The following DCAF11 variants were observed in gnomAD, a reference collection of about 807,000 sequenced individuals.
The protein encoded by DCAF11 is DDB1 and CUL4 associated factor 11.
Under a neutral mutation model 76.1 loss-of-function variants are expected in DCAF11, and 44 were observed. The observed-to-expected ratio is 0.58, with a 90% CI of 0.45 to 0.74. The LOEUF (loss-of-function observed/expected upper bound fraction) is 0.74, where lower values mean the gene tolerates loss of function less well. DCAF11 is among the 30% of genes least tolerant of loss of function. DCAF11 has a pLI of 0.00. For synonymous variants in DCAF11, 258 were observed against 255.0 expected (o/e 1.01, Z -0.11); for missense variants, 604 against 709.4 (o/e 0.85, Z 1.69).
At chr14:24,119,490 C>G (rs1417619570) in intron 9 of DCAF11, 69 bp from the exon 10 acceptor site, 14 of 1,581,494 alleles carry the variant, frequency 8.9e-6, no homozygotes, top group Non-Finnish European at 1.2e-5. Context: ...GTGGAACTCT[C>G]TAGAGCATAT....
chr14:24,119,272 A>C, intron 9 of DCAF11, 59 bp downstream of exon 9: 2 of 1,599,522 alleles, frequency 1.3e-6, no homozygotes, highest in Non-Finnish European at 1.7e-6. Flanking sequence ...GCCAGAGATG[A>C]GTTCTGCTGT....
At position 24,119,749 on chromosome 14, in the gene DCAF11, T is replaced by G; in HGVS notation, c.945T>G (p.Phe315Leu). 1 of 1,614,260 alleles carries G rather than the reference T, an allele frequency of 6.2e-7. No homozygotes were observed. Among genetic ancestry groups the G allele is most frequent in the South Asian group, 1.1e-5 (1 of 91,090 alleles). ...AGGATGATGTGAATGCAGTGGCCTT[T>G]GCTGATATAAGCTCCCAAATCCTGT... ...SHEDDVNAVA[F>L]ADISSQILFS... is the part of the protein sequence containing the mutation. Residue 315 changes from phenylalanine (F) to leucine (L), a missense_variant, in exon 11 of 15, where the codon TTT becomes TTG. Physicochemically the swap from Phe to Leu is conservative, Grantham distance 22. Transcript: ENST00000446197.
chr14:24,120,851 A>T lies in DCAF11; in HGVS notation c.1106A>T (p.Tyr369Phe). 6.2e-7 allele frequency: 1 copy of T among 1,614,218 alleles called. No individual in the cohort carries two copies. Among genetic ancestry groups the T allele is most frequent in the Non-Finnish European group, 8.5e-7 (1 of 1,180,044 alleles). ...TFIDSKGDARYLISNSKDQTI... is the reference protein window; with the variant it reads ...TFIDSKGDARFLISNSKDQTI... ...TTGGATTCATAGGGTGATGCCCGGTATCTGATCTCCAACTCTAAAGACCAG... is the reference window on the plus strand; with the variant it reads ...TTGGATTCATAGGGTGATGCCCGGTTTCTGATCTCCAACTCTAAAGACCAG... The change falls in exon 12 of 15, where the codon TAT (tyrosine) becomes TTT (phenylalanine). Residue 369 changes from tyrosine (Y) to phenylalanine (F), a missense_variant. Transcript: ENST00000446197.
At chr14:24,118,671 G>C in intron 7 of DCAF11, 79 bp from the exon 8 acceptor site, 1 of 1,600,440 alleles carries the variant, frequency 6.2e-7, no homozygotes, top group Non-Finnish European at 8.6e-7. Flanking sequence ...CTTGTCCCCT[G>C]TTTGATCTCT....
At chr14:24,122,511 AAG>A (rs1491191589) in intron 13 of DCAF11, among the ~76,000 whole-genome samples, 2 of 150,378 alleles carry the variant, frequency 1.3e-5, no homozygotes, top group African/African-American at 5.0e-5. Flanking sequence ...AAAAAAGAAA[AAG>A]AAAAAAAAAA....
At position 24,114,840 on chromosome 14, in the gene DCAF11, G is replaced by A; in HGVS notation, c.-667G>A. On this transcript the variant is annotated 5_prime_UTR_variant, in exon 1 of 15. Transcript: ENST00000446197. ...ATGCGTGACGAGCGAAGCGCGTGAC[G>A]GAGGAGCGGTTGGCCAACGCAGTGG... The A allele has an allele frequency of 1.0e-6, 1 of 985,974 alleles. No individual in the cohort carries two copies. The highest frequency in any genetic ancestry group is 1.2e-6 in the Non-Finnish European group (1 of 829,970). The allele number at this position is 985,974 out of a possible 1,614,324, so 61.1% of individuals were successfully genotyped here. A position where few individuals can be genotyped will look rare whatever the true frequency, so the allele number is the denominator to read the frequency against.
chr14:24,117,567 C>A lies in DCAF11; in HGVS notation c.412-101C>A. 1 of 1,526,028 alleles carries A rather than the reference C, an allele frequency of 6.6e-7. No homozygotes were observed. Among genetic ancestry groups the A allele is most frequent in the Non-Finnish European group, 9.0e-7 (1 of 1,112,194 alleles). 94.5% of individuals were successfully genotyped at this position (1,526,028 alleles called of 1,614,324 possible). A position where few individuals can be genotyped will look rare whatever the true frequency, so the allele number is the denominator to read the frequency against. On this transcript the variant is annotated intron_variant, in intron 4 of 14. Transcript: ENST00000446197. The surrounding 1 kb of genome is among the most constrained non-coding windows in gnomAD (Gnocchi z 4.3). ...TGGGACAGACTATGATGTGTGTGTC[C>A]ATTTCTATAACAAGAGCAATATCTT...
Position 24,117,163 on chromosome 14 carries a change from A to G in DCAF11, c.284-103A>G. The G allele has an allele frequency of 1.2e-6, 2 of 1,603,210 alleles. No individual in the cohort carries two copies. On this transcript the variant is annotated intron_variant, in intron 3 of 14. Transcript: ENST00000446197. The surrounding 1 kb of genome is among the most constrained non-coding windows in gnomAD (Gnocchi z 4.3). Reference sequence around the variant, plus strand: ...AATTTAAGGAATAAGGAGTCCTTACAGCCCCAGTATATTCAGCCACAGGGG... The same window carrying G: ...AATTTAAGGAATAAGGAGTCCTTACGGCCCCAGTATATTCAGCCACAGGGG...
chr14:24,118,626 T>C, intron 7 of DCAF11, 92 bp downstream of exon 7: 1 of 1,596,740 alleles, frequency 6.3e-7, no homozygotes, highest in South Asian at 1.1e-5. Flanking sequence ...CCTCACTTTG[T>C]CCTGGGAAAA....
At chr14:24,120,255 A>C (rs12435995) in intron 11 of DCAF11, among the ~76,000 whole-genome samples, 53,312 of 151,386 alleles carry the variant, frequency 0.35, 9,951 homozygotes, top group East Asian at 0.63. Flanking sequence ...TTAAAAAAAA[A>C]AACAAAAAAA....
rs764618430 is a variant in DCAF11 at position 24,118,164 on chromosome 14, C to A, written c.577+9C>A. ...CATGTCTGCTTGCCAAGGTACCAGACCCTGGTCCTATAAACTATCTTTTCC... is the reference window on the plus strand; with the variant it reads ...CATGTCTGCTTGCCAAGGTACCAGAACCTGGTCCTATAAACTATCTTTTCC... On this transcript the variant is annotated intron_variant, in intron 6 of 14. Coordinates refer to ENST00000446197, the MANE Select transcript of DCAF11 (RefSeq NM_025230.5). The A allele has an allele frequency of 1.2e-6, 2 of 1,605,814 alleles. No individual in the cohort carries two copies. Among genetic ancestry groups the A allele is most frequent in the Non-Finnish European group, 1.7e-6 (2 of 1,173,536 alleles).
At chr14:24,119,516 T>C (rs748470346) in intron 9 of DCAF11, 43 bp from the exon 10 acceptor site, 1 of 1,611,372 alleles carries the variant, frequency 6.2e-7, no homozygotes, top group South Asian at 1.1e-5. Context: ...GTTGGTCCTC[T>C]CGATCATGGC....
chr14:24,114,853 G>A lies in DCAF11; in HGVS notation c.-654G>A. On this transcript the variant is annotated 5_prime_UTR_variant, in exon 1 of 15. Transcript: ENST00000446197. ...GAAGCGCGTGACGGAGGAGCGGTTGGCCAACGCAGTGGCGGCAGTCGGTGT... is the reference window on the plus strand; with the variant it reads ...GAAGCGCGTGACGGAGGAGCGGTTGACCAACGCAGTGGCGGCAGTCGGTGT... 6 of 985,964 alleles carry A rather than the reference G, an allele frequency of 6.1e-6. No homozygotes were observed. The highest frequency in any genetic ancestry group is 7.2e-6 in the Non-Finnish European group (6 of 829,964). The allele number at this position is 985,964 out of a possible 1,614,324, so 61.1% of individuals were successfully genotyped here.
chr14:24,121,635 A>G (rs1385192978), intron 13 of DCAF11, 118 bp downstream of exon 13: 6 of 1,191,584 alleles, frequency 5.0e-6, no homozygotes, highest in Admixed American at 5.4e-5. Flanking sequence ...GGTAAAATCA[A>G]ACTTAGCTTG....
In DCAF11 at chr14:24,121,463, C is replaced by T; in HGVS notation, c.1345C>T (p.His449Tyr). The T allele has an allele frequency of 6.2e-7, 1 of 1,614,198 alleles. No homozygotes were observed. The highest frequency in any genetic ancestry group is 1.6e-4 in the Middle Eastern group (1 of 6,062). ...TLIRCRFSPI[H>Y]STGQQFIYSG... The stretch of plus-strand genomic sequence containing the variant: ...CATCCGCTGCCGGTTCTCCCCCATT[C>T]ATAGCACTGGCCAGCAGTTCATCTA... Residue 449 changes from histidine (H) to tyrosine (Y), a missense_variant, in exon 13 of 15, where the codon CAT (histidine) becomes TAT (tyrosine). Transcript: ENST00000446197.
rs1358104529 is a variant in DCAF11 at position 24,120,710 on chromosome 14, C to A, written c.1093-128C>A. ...GGCAGAACGCTGGAAATGAGTTCAC[C>A]TGGATGAAGAGAGGCAAGTAAAGCC... On this transcript the variant is annotated intron_variant, in intron 11 of 14. Transcript: ENST00000446197. 5.8e-6 allele frequency: 7 copies of A among 1,202,028 alleles called. No individual in the cohort carries two copies. The East Asian group carries it at 1.4e-4, about 25-fold the overall frequency. 74.5% of individuals were successfully genotyped at this position (1,202,028 alleles called of 1,614,324 possible).
At position 24,115,520 on chromosome 14, in the gene DCAF11, G is replaced by T. The variant is rs1594331223; in HGVS notation, c.-75G>T. The T allele has an allele frequency of 6.6e-7, 1 of 1,524,106 alleles. No individual in the cohort carries two copies. Among genetic ancestry groups the T allele is most frequent in the Non-Finnish European group, 8.8e-7 (1 of 1,137,280 alleles). 94.4% of individuals were successfully genotyped at this position (1,524,106 alleles called of 1,614,324 possible). A position where few individuals can be genotyped will look rare whatever the true frequency, so the allele number is the denominator to read the frequency against. The stretch of plus-strand genomic sequence containing the variant: ...GGAGACCCTGGTATTTCTAGAGCAC[G>T]CTTTGCTTTCACCAAACCCAAGGAG... On this transcript the variant is annotated 5_prime_UTR_variant, in exon 2 of 15. Coordinates refer to ENST00000446197, the MANE Select transcript of DCAF11 (RefSeq NM_025230.5).
chr14:24,119,199 A>G lies in DCAF11; in HGVS notation c.834A>G (p.Arg278=). The change falls in exon 9 of 15, where the codon CGA becomes CGG. Residue 278 remains arginine, a synonymous_variant. Transcript: ENST00000446197. ...VFSIAVSSDG[R]EVLGGANDGC... is the part of the protein sequence containing the mutation. ...CCATTGCTGTCTCCTCAGATGGACG[A>G]GAAGTACTAGGAGGGTAAGTGCTTG... 1 of 1,614,180 alleles carries G rather than the reference A, an allele frequency of 6.2e-7. No homozygotes were observed. The highest frequency in any genetic ancestry group is 8.5e-7 in the Non-Finnish European group (1 of 1,180,016).
chr14:24,118,776 G>A lies in DCAF11; in HGVS notation c.751G>A (p.Gly251Arg). Reference protein sequence around the residue: ...YIHICNIYGEGDTHTALDLRP... With the variant: ...YIHICNIYGERDTHTALDLRP... ...TCATATCTGCAATATCTATGGTGAGGGAGATACACACACTGCCCTGGATCT... is the reference window on the plus strand; with the variant it reads ...TCATATCTGCAATATCTATGGTGAGAGAGATACACACACTGCCCTGGATCT... The change falls in exon 8 of 15, where the codon GGA becomes AGA. Residue 251 changes from glycine to arginine, a missense_variant. Coordinates refer to ENST00000446197, the MANE Select transcript of DCAF11 (RefSeq NM_025230.5). The A allele has an allele frequency of 6.2e-7, 1 of 1,614,060 alleles. No homozygotes were observed. Among genetic ancestry groups the A allele is most frequent in the Non-Finnish European group, 8.5e-7 (1 of 1,180,026 alleles).
Sources: gnomAD v4.1 joint callset for allele counts (sites outside exome capture counted in the v4.1 genomes callset) on GRCh38, gnomAD v4.1.1 for gene constraint, Gnocchi (gnomAD v3.1) non-coding constraint, MANE v1.5 for transcripts, NCBI Gene and HGNC (gene_info 2026-07-23, HGNC 2026-07-21) for gene names.